The following ELAVL2 variants were observed in gnomAD, a reference collection of about 807,000 sequenced individuals.
ELAVL2 encodes ELAV like RNA binding protein 2, also known as ELAV-like protein 2.
Under a neutral mutation model 34.6 loss-of-function variants are expected in ELAVL2, and 4 were observed. That is an observed-to-expected ratio of 0.12 (90% CI 0.06 to 0.26). The LOEUF (loss-of-function observed/expected upper bound fraction) is 0.26, where lower values mean the gene tolerates loss of function less well. ELAVL2 is among the 10% of genes least tolerant of loss of function. The probability of loss-of-function intolerance (pLI) is 1.00; values close to 1 mark genes in which losing one functional copy is unlikely to be tolerated. For synonymous variants in ELAVL2, 193 were observed against 154.8 expected (o/e 1.25, Z -1.83); for missense variants, 432 against 442.8 (o/e 0.98, Z 0.22).
chr9:23,842,768 C>G, the ELAVL2 span, among the ~76,000 whole-genome samples: 1 of 152,244 alleles, frequency 6.6e-6, no homozygotes, highest in African/African-American at 2.4e-5. Context: ...TCTCTCCCTT[C>G]TCATTCTCTA....
intron 2 of ELAVL2, among the ~76,000 whole-genome samples, chr9:23,750,504 T>C (rs1218774224): frequency 6.6e-6 from 1 of 152,132 alleles, no homozygotes; most frequent in Non-Finnish European, 1.5e-5. Context: ...CCCAAATCAT[T>C]CTACTTGAGA....
upstream of ELAVL2, among the ~76,000 whole-genome samples, chr9:23,828,633 G>A (rs993470559): frequency 1.3e-5 from 2 of 151,862 alleles, no homozygotes; most frequent in South Asian, 2.1e-4. Flanking sequence ...TTTTTTTTCA[G>A]CTTGGGCATA....
intron 2 of ELAVL2, among the ~76,000 whole-genome samples, chr9:23,757,841 C>T (rs537623275): frequency 2.6e-5 from 4 of 152,170 alleles, no homozygotes; most frequent in South Asian, 2.1e-4. Context: ...AATCCTCACT[C>T]GATCAAAATA....
chr9:23,846,308 AATTG>A, the ELAVL2 span, among the ~76,000 whole-genome samples: 1 of 151,944 alleles, frequency 6.6e-6, no homozygotes, highest in East Asian at 1.9e-4. Flanking sequence ...ATTAGAAGTT[AATTG>A]ATTAAGTATA....
chr9:23,849,173 T>C, the ELAVL2 span, among the ~76,000 whole-genome samples: 1 of 152,062 alleles, frequency 6.6e-6, no homozygotes, highest in Admixed American at 6.5e-5. Flanking sequence ...TACCTCCTAT[T>C]TAAAAACAAA....
At chr9:23,732,811 C>A (rs774190906) in intron 2 of ELAVL2, among the ~76,000 whole-genome samples, 1 of 152,048 alleles carries the variant, frequency 6.6e-6, no homozygotes, top group African/African-American at 2.4e-5. Context: ...CTCTCTAAAA[C>A]GAGGGTAATT....
chr9:23,817,172 TATTC>T (rs1250998175), intron 1 of ELAVL2, among the ~76,000 whole-genome samples: 2 of 152,168 alleles, frequency 1.3e-5, no homozygotes, highest in Non-Finnish European at 2.9e-5. Context: ...CCTTATCTCC[TATTC>T]ATTTTCAGTC....
In ELAVL2 at chr9:23,705,048, T is replaced by C. The variant is rs148503259; in HGVS notation, c.357A>G (p.Ser119=). ...TIKVSYARPS[S]ASIRDANLYV... is the part of the protein sequence containing the mutation. Reference sequence around the variant, plus strand: ...ATAAATTTGCATCTCTGATAGAAGCTGAACTTGGGCGAGCATAGGAAACCT... The same window carrying C: ...ATAAATTTGCATCTCTGATAGAAGCCGAACTTGGGCGAGCATAGGAAACCT... Residue 119 remains serine (S), a synonymous_variant, in exon 4 of 7, where the codon TCA becomes TCG. Coordinates refer to ENST00000397312, the MANE Select transcript of ELAVL2 (RefSeq NM_004432.5). The C allele has an allele frequency of 6.8e-6, 11 of 1,614,024 alleles. No homozygotes were observed. Among genetic ancestry groups the C allele is most frequent in the South Asian group, 1.1e-5 (1 of 91,094 alleles).
At chr9:23,837,909 A>T in the ELAVL2 span, among the ~76,000 whole-genome samples, 7 of 152,294 alleles carry the variant, frequency 4.6e-5, no homozygotes, top group Admixed American at 3.3e-4. Context: ...AAAAAGATTC[A>T]GGTCAAATAT....
At chr9:23,821,853 G>T (rs1285284028) in intron 1 of ELAVL2, 1 of 151,422 alleles carries the variant, frequency 6.6e-6, no homozygotes, top group Non-Finnish European at 1.5e-5. Flanking sequence ...GTTTGTAGCG[G>T]GGCGGGAAGG....
intron 2 of ELAVL2, among the ~76,000 whole-genome samples, chr9:23,747,591 G>C (rs138406312): frequency 2.4e-4 from 36 of 152,224 alleles, no homozygotes; most frequent in Middle Eastern, 6.8e-3. Flanking sequence ...CAGCTCCAGA[G>C]GTAGAAGACC....
At chr9:23,693,685 C>A (rs962668868) in intron 5 of ELAVL2, among the ~76,000 whole-genome samples, 199 bp from the exon 6 acceptor site, 1 of 152,182 alleles carries the variant, frequency 6.6e-6, no homozygotes, top group Non-Finnish European at 1.5e-5. Context: ...TGAATGGTTT[C>A]TCTCTACAAG....
At chr9:23,808,024 T>C (rs2062469998) in intron 1 of ELAVL2, among the ~76,000 whole-genome samples, 1 of 152,178 alleles carries the variant, frequency 6.6e-6, no homozygotes, top group Non-Finnish European at 1.5e-5. Flanking sequence ...CATGGTGGGA[T>C]AGAAGCTGGG....
chr9:23,791,229 G>A (rs910486072), intron 1 of ELAVL2, among the ~76,000 whole-genome samples: 3 of 152,144 alleles, frequency 2.0e-5, no homozygotes, highest in African/African-American at 7.2e-5. Context: ...GGTTGAAAAC[G>A]GCAAATGCTA....
chr9:23,706,838 C>A (rs1294700109), intron 3 of ELAVL2, among the ~76,000 whole-genome samples: 1 of 152,166 alleles, frequency 6.6e-6, no homozygotes, highest in Non-Finnish European at 1.5e-5. Flanking sequence ...TCTCTGTTGC[C>A]ACTTTTTCTT....
At chr9:23,731,692 C>T (rs1464659825) in intron 2 of ELAVL2, among the ~76,000 whole-genome samples, 13 of 152,054 alleles carry the variant, frequency 8.5e-5, no homozygotes, top group Non-Finnish European at 2.9e-5. Context: ...TACACTCAAT[C>T]AAATTTCTCC....
the ELAVL2 span, among the ~76,000 whole-genome samples, chr9:23,842,232 G>A: frequency 6.6e-6 from 1 of 152,100 alleles, no homozygotes; most frequent in Non-Finnish European, 1.5e-5. Context: ...GCTGGAAGCT[G>A]AACAGCTGTT....
chr9:23,764,803 C>G (rs960893380), intron 1 of ELAVL2, among the ~76,000 whole-genome samples: 1 of 152,014 alleles, frequency 6.6e-6, no homozygotes, highest in South Asian at 2.1e-4. Context: ...AAATTACATA[C>G]GAGAGCATGG....
Position 23,692,446 on chromosome 9 carries a change from AT to A in ELAVL2, c.*110del, listed in dbSNP as rs1373741419. ...TCTTAGGATGCTAAGTAGTCATTTTATCCCCATCTCAACACTGACTTACAAA... is the reference window on the plus strand; with the variant it reads ...TCTTAGGATGCTAAGTAGTCATTTTACCCCATCTCAACACTGACTTACAAA... On this transcript the variant is annotated 3_prime_UTR_variant, in exon 7 of 7. Transcript: ENST00000397312. 1 of 1,118,292 alleles carries A rather than the reference AT, an allele frequency of 8.9e-7. No homozygotes were observed. The highest frequency in any genetic ancestry group is 1.2e-6 in the Non-Finnish European group (1 of 800,532). 69.3% of individuals were successfully genotyped at this position (1,118,292 alleles called of 1,614,324 possible).
Sources: allele counts gnomAD v4.1 joint callset (sites outside exome capture counted in the v4.1 genomes callset), GRCh38; gene constraint gnomAD v4.1.1; transcripts MANE v1.5; gene names NCBI Gene and HGNC (gene_info 2026-07-23, HGNC 2026-07-21).